Variants in E2F2 observed in about 807,000 individuals in gnomAD.
E2F2 encodes the protein E2F transcription factor 2, also known as transcription factor E2F2.
In E2F2, 22 loss-of-function variants were observed where a neutral mutation model predicts 42.2. The ratio of observed to expected loss-of-function variants is 0.52; its 90% confidence interval spans 0.37 to 0.74. The LOEUF (loss-of-function observed/expected upper bound fraction) is 0.74. Among genes scored for constraint, E2F2 ranks in the 30% least tolerant of loss-of-function variants. The pLI is 0.00. For missense variants in E2F2, 481 were observed against 557.8 expected, an observed-to-expected ratio of 0.86 and a Z score of 1.39; for synonymous variants, 248 against 251.6, an observed-to-expected ratio of 0.99 and a Z score of 0.13.
intron 6 of E2F2, among the ~76,000 whole-genome samples, 168 bp downstream of exon 6, chr1:23,516,167 C>T (rs1428677728): frequency 6.6e-6 from 1 of 152,118 alleles, no homozygotes; most frequent in Non-Finnish European, 1.5e-5. Context: ...ACCAGCCTTC[C>T]TAGTGAGGCT....
At chr1:23,510,304 C>T (rs1434834229) in intron 6 of E2F2, among the ~76,000 whole-genome samples, 156 bp from the exon 7 acceptor site, 1 of 152,090 alleles carries the variant, frequency 6.6e-6, no homozygotes, top group African/African-American at 2.4e-5. Context: ...CCAGAGTCTA[C>T]ACCCAACCCT....
chr1:23,517,871 G>A (rs1297304076), intron 5 of E2F2, among the ~76,000 whole-genome samples: 1 of 152,178 alleles, frequency 6.6e-6, no homozygotes, highest in Non-Finnish European at 1.5e-5. Flanking sequence ...GGAAGAGCAT[G>A]TATGAGGGTC....
chr1:23,527,865 C>T (rs142915140), intron 1 of E2F2, among the ~76,000 whole-genome samples: 55 of 152,314 alleles, frequency 3.6e-4, no homozygotes, highest in Non-Finnish European at 6.2e-4. Context: ...AAAGGAGGAC[C>T]GGGCGTGGTG....
chr1:23,526,851 G>GCGCACACACA (rs138309530), intron 1 of E2F2, among the ~76,000 whole-genome samples: 1 of 148,722 alleles, frequency 6.7e-6, no homozygotes, highest in Non-Finnish European at 1.5e-5. Context: ...GCATGTACTT[G>GCGCACACACA]CACACACACA....
chr1:23,510,036 C>T lies in E2F2; in HGVS notation c.1158G>A (p.Glu386=), dbSNP rs1238995538. Reference sequence around the variant, plus strand: ...CCAGGGTCGGGGACAGGAACTGGTCCTCAGTCTGCTGCAGGAGTGGGTGCG... The same window carrying T: ...CCAGGGTCGGGGACAGGAACTGGTCTTCAGTCTGCTGCAGGAGTGGGTGCG... ...ELPHPLLQQT[E]DQFLSPTLAC... is the part of the protein sequence containing the mutation. Residue 386 remains glutamate, a synonymous_variant, in exon 7 of 7, where the codon GAG becomes GAA. Coordinates refer to ENST00000361729, the MANE Select transcript of E2F2 (RefSeq NM_004091.4). 1 of 1,613,188 alleles carries T rather than the reference C, an allele frequency of 6.2e-7. No individual in the cohort carries two copies. Among genetic ancestry groups the T allele is most frequent in the Non-Finnish European group, 8.5e-7 (1 of 1,179,756 alleles).
At chr1:23,521,732 C>G (rs906144637) in intron 3 of E2F2, 105 bp downstream of exon 3, 1 of 1,520,304 alleles carries the variant, frequency 6.6e-7, no homozygotes, top group African/African-American at 1.4e-5. Flanking sequence ...TTGGATGTTG[C>G]TCTCAGCCCC....
At position 23,508,738 on chromosome 1, in the gene E2F2, G is replaced by T. The variant is rs1642849103; in HGVS notation, c.*1142C>A. ...AGTCACCTCTGTCCTTGGGGTCTGA[G>T]TGAGCTCTGAGGGGTGGAGTCCTTA... On this transcript the variant is annotated 3_prime_UTR_variant, in exon 7 of 7. Coordinates refer to ENST00000361729, the MANE Select transcript of E2F2 (RefSeq NM_004091.4). The T allele has an allele frequency of 6.6e-6, 1 of 151,964 alleles. No homozygotes were observed. Among genetic ancestry groups the T allele is most frequent in the African/African-American group, 2.4e-5 (1 of 41,336 alleles). The allele number at this position is 151,964 out of a possible 1,614,324, so 9.4% of individuals were successfully genotyped here. A position where few individuals can be genotyped will look rare whatever the true frequency, so the allele number is the denominator to read the frequency against.
At chr1:23,512,977 T>G (rs1055100242) in intron 6 of E2F2, among the ~76,000 whole-genome samples, 28 of 152,194 alleles carry the variant, frequency 1.8e-4, no homozygotes, top group African/African-American at 4.8e-4. Context: ...CACCTCCGGC[T>G]AATTTTTGTA....
At chr1:23,514,673 CAAAA>C (rs34938409) in intron 6 of E2F2, among the ~76,000 whole-genome samples, 9 of 142,096 alleles carry the variant, frequency 6.3e-5, no homozygotes, top group African/African-American at 2.4e-4. Context: ...ACTAAAAATA[CAAAA>C]AAAAAAAAAA....
At chr1:23,513,158 A>C (rs1028957451) in intron 6 of E2F2, among the ~76,000 whole-genome samples, 3 of 145,952 alleles carry the variant, frequency 2.1e-5, no homozygotes, top group Non-Finnish European at 4.5e-5. Context: ...ATGCCATGTC[A>C]TCTTCTATAA....
chr1:23,505,539 G>T (rs1642781235), downstream of E2F2, among the ~76,000 whole-genome samples: 1 of 151,956 alleles, frequency 6.6e-6, no homozygotes. Context: ...TTGAGACGGA[G>T]TCTCGCTCTG....
At chr1:23,510,312 C>T (rs1399488131) in intron 6 of E2F2, among the ~76,000 whole-genome samples, 164 bp from the exon 7 acceptor site, 1 of 152,096 alleles carries the variant, frequency 6.6e-6, no homozygotes, top group East Asian at 1.9e-4. Context: ...TACACCCAAC[C>T]CTACAACTTT....
At chr1:23,513,118 G>GTTTTT (rs11449034) in intron 6 of E2F2, among the ~76,000 whole-genome samples, 2 of 139,650 alleles carry the variant, frequency 1.4e-5, no homozygotes, top group Admixed American at 7.1e-5. Context: ...GGCCACATAA[G>GTTTTT]TTTTTTTTTT....
At chr1:23,517,454 C>T (rs1643045728) in intron 5 of E2F2, among the ~76,000 whole-genome samples, 1 of 152,222 alleles carries the variant, frequency 6.6e-6, no homozygotes, top group Admixed American at 6.5e-5. Flanking sequence ...GCTTGCAAAG[C>T]ACATCTTCAG....
intron 3 of E2F2, among the ~76,000 whole-genome samples, 155 bp from the exon 4 acceptor site, chr1:23,521,226 T>TG (rs1017646269): frequency 3.3e-5 from 5 of 152,156 alleles, no homozygotes; most frequent in Non-Finnish European, 7.4e-5. Flanking sequence ...ACCAGAGGTT[T>TG]GGGGGTTGGG....
chr1:23,528,980 A>C (rs1643294568), intron 1 of E2F2, among the ~76,000 whole-genome samples: 1 of 152,216 alleles, frequency 6.6e-6, no homozygotes, highest in Non-Finnish European at 1.5e-5. Flanking sequence ...TGGGAGGCTG[A>C]GGCAAGAGGA....
In E2F2 at chr1:23,510,074, G is replaced by A. The variant is rs761768883; in HGVS notation, c.1120C>T (p.Leu374=). 1 of 1,609,432 alleles carries A rather than the reference G, an allele frequency of 6.2e-7. No individual in the cohort carries two copies. Among genetic ancestry groups the A allele is most frequent in the South Asian group, 1.1e-5 (1 of 89,966 alleles). Residue 374 remains leucine (L), a synonymous_variant, in exon 7 of 7, where the codon CTG becomes TTG. Transcript: ENST00000361729. ...AGGAGTGGGTGCGGCAGCTCCAGCA[G>A]GCTGTCAGTAGCCTCCAAGGGGACC... ...SLVPLEATDS[L]LELPHPLLQQ...
At chr1:23,529,348 G>A (rs1335135129) in intron 1 of E2F2, among the ~76,000 whole-genome samples, 4 of 152,180 alleles carry the variant, frequency 2.6e-5, no homozygotes, top group Non-Finnish European at 5.9e-5. Context: ...GGGTCTCCAG[G>A]AAGGTTAACG....
chr1:23,513,485 T>G (rs1415946764), intron 6 of E2F2, among the ~76,000 whole-genome samples: 1 of 152,042 alleles, frequency 6.6e-6, no homozygotes, highest in African/African-American at 2.4e-5. Flanking sequence ...GTCCCAAGAC[T>G]GTAGTGGCTT....
Sources: gnomAD v4.1 joint callset for allele counts (sites outside exome capture counted in the v4.1 genomes callset) on GRCh38, gnomAD v4.1.1 for gene constraint, MANE v1.5 for transcripts, NCBI Gene and HGNC (gene_info 2026-07-23, HGNC 2026-07-21) for gene names.